Variants in DMD observed in about 807,000 individuals in gnomAD.
DMD encodes the protein mutant dystrophin.
DMD carries 63 observed loss-of-function variants against 330.1 expected under a neutral mutation model. The ratio of observed to expected loss-of-function variants is 0.19; its 90% CI spans 0.16 to 0.24. The LOEUF (loss-of-function observed/expected upper bound fraction) is 0.24, where lower values mean the gene tolerates loss of function less well. Ranked by LOEUF, DMD falls within the 10% of genes least tolerant of loss-of-function variation. DMD has a pLI of 1.00. For synonymous variants in DMD, 1,223 were observed against 959.8 expected (o/e 1.27, Z -5.07); for missense variants, 3,344 against 2,684.1 (o/e 1.25, Z -5.43).
chrX:32,955,204 C>A (rs1175859158), intron 2 of DMD, among the ~76,000 whole-genome samples: 2 of 111,488 alleles, frequency 1.8e-5, no homozygotes, highest in Non-Finnish European at 3.8e-5. Context: ...CTAGCATCTA[C>A]TATTTTTTGA....
chrX:32,682,162 TACTC>T (rs2062473007), intron 9 of DMD, among the ~76,000 whole-genome samples: 1 of 111,981 alleles, frequency 8.9e-6, no homozygotes, highest in Admixed American at 9.5e-5. Flanking sequence ...CTTCTCTACT[TACTC>T]AGTTTGTAAA....
chrX:31,713,986 T>C (rs2084837030), intron 52 of DMD, among the ~76,000 whole-genome samples: 1 of 111,990 alleles, frequency 8.9e-6, no homozygotes, highest in Non-Finnish European at 1.9e-5. Context: ...ATAATCTCAC[T>C]CTAGGTTGAT....
intron 11 of DMD, among the ~76,000 whole-genome samples, chrX:32,623,864 G>A (rs1215858184): frequency 8.9e-6 from 1 of 111,954 alleles, no homozygotes; most frequent in East Asian, 2.8e-4. Context: ...GTAGGTTAAA[G>A]AGCTGGCACA....
intron 55 of DMD, among the ~76,000 whole-genome samples, chrX:31,577,203 TATA>T (rs1325506568): frequency 7.1e-5 from 8 of 112,739 alleles, no homozygotes; most frequent in Admixed American, 1.9e-4. Flanking sequence ...ATCGCAACCA[TATA>T]ATATCTTTGT....
chrX:33,321,428 GAAAAA>G (rs60756362), intron 1 of DMD, among the ~76,000 whole-genome samples: 2 of 106,123 alleles, frequency 1.9e-5, no homozygotes, highest in African/African-American at 6.9e-5. Flanking sequence ...TAATATTTTT[GAAAAA>G]AAAAATATAT....
chrX:31,645,831 G>T (rs2080062879), intron 54 of DMD, among the ~76,000 whole-genome samples: 1 of 111,987 alleles, frequency 8.9e-6, no homozygotes, highest in African/African-American at 3.2e-5. Flanking sequence ...AGCATGCACT[G>T]TAATAAGGGT....
At chrX:32,433,227 A>C (rs5972566) in intron 29 of DMD, among the ~76,000 whole-genome samples, 7,303 of 111,885 alleles carry the variant, frequency 0.065, 574 homozygotes, top group African/African-American at 0.21. Context: ...CAGAGTTTTT[A>C]TTTTTAATAT....
At chrX:32,866,742 T>C (rs77026009) in intron 2 of DMD, among the ~76,000 whole-genome samples, 4 of 37,289 alleles carry the variant, frequency 1.1e-4, no homozygotes, top group African/African-American at 5.9e-4. Context: ...GGTGGGGGGG[T>C]GGGGGGGGGG....
intron 75 of DMD, among the ~76,000 whole-genome samples, chrX:31,146,698 A>G (rs1293852292): frequency 1.8e-5 from 2 of 112,487 alleles, no homozygotes; most frequent in Admixed American, 9.4e-5. Flanking sequence ...TTAGAAGGTC[A>G]TGTGTGAATG....
intron 5 of DMD, among the ~76,000 whole-genome samples, chrX:32,820,967 G>A (rs2078190027): frequency 9.0e-6 from 1 of 111,617 alleles, no homozygotes; most frequent in African/African-American, 3.3e-5. Flanking sequence ...AGCAACATAT[G>A]AAAAGCAGTT....
intron 9 of DMD, among the ~76,000 whole-genome samples, chrX:32,647,842 G>C (rs1852680846): frequency 8.9e-6 from 1 of 112,025 alleles, no homozygotes; most frequent in Non-Finnish European, 1.9e-5. Context: ...TTAAGTCACT[G>C]TTCAGGTTTC....
rs189822723 is a variant in DMD at position 31,812,526 on chromosome X, C to T, written c.7309+7449G>A. 3.6e-3 allele frequency among the ~76,000 whole-genome samples: 392 copies of T among 108,885 alleles called. 2 individuals are homozygous for T. Among genetic ancestry groups the T allele is most frequent in the African/African-American group, 0.013 (375 of 29,810 alleles). 94.6% of individuals were successfully genotyped at this position (108,885 alleles called of 115,157 possible). A position where few individuals can be genotyped will look rare whatever the true frequency, so the allele number is the denominator to read the frequency against. On this transcript the variant is annotated intron_variant, in intron 50 of 78. Transcript: ENST00000357033. ...GGCACATGTATATATATGTAACAGA[C>T]CTGCACATTGTGCACATGTACCCTA...
intron 62 of DMD, among the ~76,000 whole-genome samples, chrX:31,284,007 A>G (rs1326840966): frequency 8.9e-6 from 1 of 112,224 alleles, no homozygotes; most frequent in Admixed American, 9.4e-5. Context: ...TACCTAATCT[A>G]CTCAACATCA....
intron 2 of DMD, among the ~76,000 whole-genome samples, chrX:33,011,817 A>T (rs764793133): frequency 8.9e-6 from 1 of 112,350 alleles, no homozygotes; most frequent in South Asian, 3.6e-4. Flanking sequence ...TTTGCTAGAA[A>T]GCAAAATAAA....
intron 1 of DMD, among the ~76,000 whole-genome samples, chrX:33,080,885 G>T (rs986046693): frequency 9.1e-6 from 1 of 110,356 alleles, no homozygotes; most frequent in Non-Finnish European, 1.9e-5. Context: ...TGAACAAAAA[G>T]TCATCAAAGT....
intron 2 of DMD, among the ~76,000 whole-genome samples, chrX:32,917,286 C>T (rs1035673569): frequency 3.7e-5 from 4 of 108,444 alleles, no homozygotes; most frequent in African/African-American, 1.3e-4. Context: ...GTCAATTAAA[C>T]CTCTTTTCTT....
chrX:33,184,344 T>G (rs1248286079), intron 1 of DMD, among the ~76,000 whole-genome samples: 1 of 112,136 alleles, frequency 8.9e-6, no homozygotes, highest in Non-Finnish European at 1.9e-5. Flanking sequence ...CTATTCTTTT[T>G]TAATGATTTT....
intron 4 of DMD, among the ~76,000 whole-genome samples, chrX:32,837,137 G>A (rs372693031): frequency 1.2e-3 from 139 of 111,586 alleles, no homozygotes; most frequent in African/African-American, 4.2e-3. Context: ...CAGAGTTCTC[G>A]GCATGCAGAT....
chrX:32,832,053 G>A (rs1325736036), intron 4 of DMD, among the ~76,000 whole-genome samples: 1 of 111,037 alleles, frequency 9.0e-6, no homozygotes, highest in Non-Finnish European at 1.9e-5. Context: ...TGTTTCAAAG[G>A]AATTGGTTCT....
Sources: gnomAD v4.1 joint callset for allele counts (sites outside exome capture counted in the v4.1 genomes callset) on GRCh38, gnomAD v4.1.1 for gene constraint, MANE v1.5 for transcripts, NCBI Gene and HGNC (gene_info 2026-07-23, HGNC 2026-07-21) for gene names.